The following SOX5 variants were observed in gnomAD, a reference collection of about 807,000 sequenced individuals.
SOX5 encodes transcription factor SOX-5.
SOX5 carries 9 observed loss-of-function variants against 92.0 expected under a neutral mutation model. That is an observed-to-expected ratio of 0.10 (90% CI 0.06 to 0.17). The LOEUF (loss-of-function observed/expected upper bound fraction) is 0.17. Ranked by LOEUF, SOX5 falls within the 10% of genes least tolerant of loss-of-function variation. The pLI is 1.00. For missense variants in SOX5, 642 were observed against 944.5 expected, an observed-to-expected ratio of 0.68 and a Z score of 4.20; for synonymous variants, 344 against 336.3, an observed-to-expected ratio of 1.02 and a Z score of -0.25.
chr12:24,059,085 ACT>A (rs1196712539), intron 4 of SOX5, among the ~76,000 whole-genome samples: 2 of 151,872 alleles, frequency 1.3e-5, no homozygotes, highest in Non-Finnish European at 2.9e-5. Context: ...CTAGAGAAAT[ACT>A]CTCTACATAA....
intron 11 of SOX5, 68 bp downstream of exon 11, chr12:23,563,190 T>C: frequency 2.3e-6 from 3 of 1,280,006 alleles, no homozygotes; most frequent in Non-Finnish European, 3.3e-6. Flanking sequence ...GGAAATATAT[T>C]TTTTTTAAAA....
intron 1 of SOX5, among the ~76,000 whole-genome samples, chr12:23,900,779 G>T (rs192042352): frequency 6.6e-6 from 1 of 152,182 alleles, no homozygotes; most frequent in Non-Finnish European, 1.5e-5. Context: ...AGCCAACATG[G>T]TGAAACCCCA....
chr12:24,142,548 T>C (rs10505937), intron 4 of SOX5, among the ~76,000 whole-genome samples: 20,528 of 151,928 alleles, frequency 0.14, 1,517 homozygotes, highest in African/African-American at 0.2. Context: ...GCACAAACTA[T>C]TGGGGCAAGA....
At chr12:23,718,264 TAC>T (rs2092622420) in intron 6 of SOX5, among the ~76,000 whole-genome samples, 1 of 152,234 alleles carries the variant, frequency 6.6e-6, no homozygotes, top group Non-Finnish European at 1.5e-5. Flanking sequence ...TATTCTGGTA[TAC>T]ACACATTGCT....
chr12:24,242,912 T>C (rs374118670), intron 3 of SOX5, among the ~76,000 whole-genome samples: 46 of 152,304 alleles, frequency 3.0e-4, no homozygotes, highest in Middle Eastern at 3.4e-3. Context: ...AAATACTCAT[T>C]TGAAGTATCA....
intron 3 of SOX5, among the ~76,000 whole-genome samples, chr12:23,780,792 T>G (rs1349934092): frequency 6.6e-6 from 1 of 151,988 alleles, no homozygotes; most frequent in Non-Finnish European, 1.5e-5. Context: ...AAGAAAGTAT[T>G]TTAATAAGAT....
intron 1 of SOX5, among the ~76,000 whole-genome samples, chr12:24,374,261 T>C (rs547068807): frequency 1.4e-4 from 21 of 152,012 alleles, no homozygotes; most frequent in Non-Finnish European, 2.5e-4. Flanking sequence ...TCCTCTTTCA[T>C]TGACATTTCT....
intron 7 of SOX5, among the ~76,000 whole-genome samples, chr12:23,642,888 C>T (rs2080278629): frequency 8.9e-6 from 1 of 112,560 alleles, no homozygotes; most frequent in African/African-American, 2.7e-5. Flanking sequence ...GAGATCGAGA[C>T]CATCCCGGCT....
At chr12:24,263,375 A>T (rs1278176270) in intron 3 of SOX5, among the ~76,000 whole-genome samples, 3 of 151,662 alleles carry the variant, frequency 2.0e-5, no homozygotes, top group Non-Finnish European at 2.9e-5. Flanking sequence ...AAAACACAAA[A>T]AAATTAGCCG....
intron 4 of SOX5, among the ~76,000 whole-genome samples, chr12:24,092,065 A>G (rs895194733): frequency 1.3e-5 from 2 of 152,158 alleles, no homozygotes; most frequent in Non-Finnish European, 2.9e-5. Flanking sequence ...TCTCACAGTG[A>G]GCCAAATTGA....
chr12:24,100,044 G>A lies in SOX5; in HGVS notation c.-2+113299C>T, dbSNP rs186463983. On this transcript the variant is annotated intron_variant, in intron 4 of 4. Transcript: ENST00000446891. ...GCAGAAATGCTATTTATCAAATTTCGAATCTTATACTGAGGAGTGCTCTTC... is the reference window on the plus strand; with the variant it reads ...GCAGAAATGCTATTTATCAAATTTCAAATCTTATACTGAGGAGTGCTCTTC... Among the ~76,000 whole-genome samples the A allele has an allele frequency of 2.3e-3, 345 of 152,190 alleles. 2 individuals carry two copies. The highest frequency in any genetic ancestry group is 7.8e-3 in the African/African-American group (325 of 41,550).
intron 2 of SOX5, among the ~76,000 whole-genome samples, chr12:24,300,965 CCTT>C (rs1302747812): frequency 6.6e-6 from 1 of 152,164 alleles, no homozygotes; most frequent in Non-Finnish European, 1.5e-5. Flanking sequence ...ATACAGAAAA[CCTT>C]CTTCTTCTAC....
intron 1 of SOX5, among the ~76,000 whole-genome samples, chr12:24,558,334 G>A (rs1448888711): frequency 1.3e-5 from 2 of 152,152 alleles, no homozygotes; most frequent in African/African-American, 4.8e-5. Context: ...CGTGTAGGCA[G>A]ATAAAGGAGC....
chr12:24,545,737 G>A (rs985853822), intron 1 of SOX5, among the ~76,000 whole-genome samples: 1 of 152,192 alleles, frequency 6.6e-6, no homozygotes, highest in Non-Finnish European at 1.5e-5. Flanking sequence ...CAGGAGTATC[G>A]GCTGCTGGAA....
chr12:23,972,267 G>T (rs1948428722), intron 4 of SOX5, among the ~76,000 whole-genome samples: 1 of 152,062 alleles, frequency 6.6e-6, no homozygotes, highest in Non-Finnish European at 1.5e-5. Context: ...AACATTTCAG[G>T]GTATCAGATT....
intron 4 of SOX5, among the ~76,000 whole-genome samples, chr12:24,091,294 T>C (rs1944607680): frequency 6.6e-6 from 1 of 152,224 alleles, no homozygotes; most frequent in Non-Finnish European, 1.5e-5. Flanking sequence ...CAAGTTACGA[T>C]ATATTATTGT....
At chr12:24,441,425 A>T (rs1940563369) in intron 1 of SOX5, among the ~76,000 whole-genome samples, 2 of 152,182 alleles carry the variant, frequency 1.3e-5, no homozygotes, top group African/African-American at 4.8e-5. Flanking sequence ...TGTGCAAATT[A>T]TTACACCAAC....
Position 24,242,408 on chromosome 12 carries a change from C to T in SOX5, c.-76-28991G>A, listed in dbSNP as rs191689667. Among the ~76,000 whole-genome samples, 18 of 152,238 alleles carry T rather than the reference C, an allele frequency of 1.2e-4. No individual in the cohort carries two copies. In the East Asian group the frequency reaches 3.3e-3, roughly 28 times the overall value. Reference sequence around the variant, plus strand: ...AGTTCTGTTCATTTCCCCACTAAAGCAAATGTTTCAATGTATGTGTCATGA... The same window carrying T: ...AGTTCTGTTCATTTCCCCACTAAAGTAAATGTTTCAATGTATGTGTCATGA... On this transcript the variant is annotated intron_variant, in intron 3 of 4. Coordinates refer to the SOX5 transcript ENST00000446891.
At chr12:24,471,227 G>T (rs1286010174) in intron 1 of SOX5, among the ~76,000 whole-genome samples, 1 of 151,994 alleles carries the variant, frequency 6.6e-6, no homozygotes, top group African/African-American at 2.4e-5. Flanking sequence ...TAAATATAAA[G>T]AATAAATTAT....
Sources: gnomAD v4.1 joint callset for allele counts (sites outside exome capture counted in the v4.1 genomes callset) on GRCh38, gnomAD v4.1.1 for gene constraint, MANE v1.5 for transcripts, NCBI Gene and HGNC (gene_info 2026-07-23, HGNC 2026-07-21) for gene names.